Variants in PTPRG observed in about 807,000 individuals in gnomAD.
PTPRG encodes protein tyrosine phosphatase receptor type G, also known as receptor-type tyrosine-protein phosphatase gamma.
PTPRG carries 102 observed loss-of-function variants against 165.3 expected under a neutral mutation model. That is an observed-to-expected ratio of 0.62 (90% CI 0.53 to 0.73). PTPRG has a LOEUF of 0.73. PTPRG is among the 30% of genes least tolerant of loss of function. PTPRG has a pLI of 0.00. For missense variants in PTPRG, 1,866 were observed against 1,861.4 expected (o/e 1.00, Z -0.05); for synonymous variants, 675 against 669.5 (o/e 1.01, Z -0.13).
At chr3:62,068,945 AT>A (rs1701111807) in intron 4 of PTPRG, among the ~76,000 whole-genome samples, 1 of 152,202 alleles carries the variant, frequency 6.6e-6, no homozygotes, top group Non-Finnish European at 1.5e-5. Context: ...GTTTATTTAA[AT>A]GCCACCTTGC....
rs764043310 is a variant in PTPRG at position 62,268,908 on chromosome 3, G to A, written c.2875-127G>A. ...CCTGCCTTTAAGCAGTTAAACTCACGTATTCCTTTTTCAGTCAACTAAATG... is the reference window on the plus strand; with the variant it reads ...CCTGCCTTTAAGCAGTTAAACTCACATATTCCTTTTTCAGTCAACTAAATG... On this transcript the variant is annotated intron_variant, in intron 19 of 29. Transcript: ENST00000474889. 4.0e-5 allele frequency: 42 copies of A among 1,057,394 alleles called. No homozygotes were observed. The Admixed American group carries it at 5.0e-4, about 13-fold the overall frequency. The allele number at this position is 1,057,394 out of a possible 1,614,324, so 65.5% of individuals were successfully genotyped here.
Position 61,729,065 on chromosome 3 carries a change from AAAACAAAC to A in PTPRG, c.86-19797_86-19790del, listed in dbSNP as rs33984870. Among the ~76,000 whole-genome samples, 233 of 151,656 alleles carry A rather than the reference AAAACAAAC, an allele frequency of 1.5e-3. 1 individual carries two copies. Among genetic ancestry groups the A allele is most frequent in the Non-Finnish European group, 3.2e-3 (214 of 67,926 alleles). On this transcript the variant is annotated intron_variant, in intron 1 of 29. Transcript: ENST00000474889. ...CGGCAGAGAGAGACCCTGTCTCAAA[AAAACAAAC>A]AAACAAACAAACAAAAAGGACCAGG...
chr3:61,785,723 G>C (rs1360336678), intron 2 of PTPRG, among the ~76,000 whole-genome samples: 1 of 152,138 alleles, frequency 6.6e-6, no homozygotes, highest in Non-Finnish European at 1.5e-5. Flanking sequence ...TAGAAATACA[G>C]TATAAAATCT....
rs1258297289 is a variant in PTPRG at position 61,600,192 on chromosome 3, ATG to A, written c.85+37844_85+37845del. On this transcript the variant is annotated intron_variant, in intron 1 of 29. Coordinates refer to ENST00000474889, the MANE Select transcript of PTPRG (RefSeq NM_002841.4). ...AAAAAAAATATATATATATATATAT[ATG>A]TGTGTGTGTGTGTGTGTGTGTGTAA... Among the ~76,000 whole-genome samples, 631 of 106,602 alleles carry A rather than the reference ATG, an allele frequency of 5.9e-3. 3 individuals are homozygous for A. Among genetic ancestry groups the A allele is most frequent in the African/African-American group, 0.019 (569 of 30,200 alleles). 69.9% of individuals were successfully genotyped at this position (106,602 alleles called of 152,430 possible). A position where few individuals can be genotyped will look rare whatever the true frequency, so the allele number is the denominator to read the frequency against.
At chr3:61,942,255 A>T (rs2039650180) in intron 2 of PTPRG, among the ~76,000 whole-genome samples, 1 of 151,960 alleles carries the variant, frequency 6.6e-6, no homozygotes, top group Non-Finnish European at 1.5e-5. Context: ...GTGCTCTCCC[A>T]GGAGCCATGG....
chr3:61,991,350 C>A (rs533739502), intron 3 of PTPRG, among the ~76,000 whole-genome samples: 1 of 152,332 alleles, frequency 6.6e-6, no homozygotes, highest in African/African-American at 2.4e-5. Flanking sequence ...GGATTACAGG[C>A]ATGTGCCACA....
chr3:61,897,906 T>C (rs1289886151), intron 2 of PTPRG, among the ~76,000 whole-genome samples: 3 of 152,222 alleles, frequency 2.0e-5, no homozygotes, highest in Admixed American at 6.5e-5. Flanking sequence ...TCTTTTATTC[T>C]GTAACCTTAC....
At chr3:61,622,508 T>C (rs1038109791) in intron 1 of PTPRG, among the ~76,000 whole-genome samples, 5 of 152,176 alleles carry the variant, frequency 3.3e-5, no homozygotes, top group Non-Finnish European at 7.4e-5. Flanking sequence ...CCATTTTGAT[T>C]TGAAAGATTA....
rs546092814 is a variant in PTPRG, at chr3:62,107,691, A to G, written c.616-24911A>G. On this transcript the variant is annotated intron_variant, in intron 5 of 29. Coordinates refer to ENST00000474889, the MANE Select transcript of PTPRG (RefSeq NM_002841.4). Reference sequence around the variant, plus strand: ...CTGAATACTGATATTCTCTTCTCAAACTGGAAAACTAACCAGAGTCACGGT... The same window carrying G: ...CTGAATACTGATATTCTCTTCTCAAGCTGGAAAACTAACCAGAGTCACGGT... Among the ~76,000 whole-genome samples, 3 of 152,344 alleles carry G rather than the reference A, an allele frequency of 2.0e-5. No homozygotes were observed. The East Asian group carries it at 5.8e-4, about 29-fold the overall frequency.
intron 2 of PTPRG, among the ~76,000 whole-genome samples, chr3:61,764,197 G>T (rs1394784683): frequency 6.6e-6 from 1 of 152,162 alleles, no homozygotes; most frequent in African/African-American, 2.4e-5. Flanking sequence ...GTTCCTTTTG[G>T]AGGTCTTGAG....
intron 3 of PTPRG, among the ~76,000 whole-genome samples, chr3:61,990,835 C>A (rs2040868266): frequency 6.6e-6 from 1 of 151,434 alleles, no homozygotes; most frequent in Non-Finnish European, 1.5e-5. Flanking sequence ...AGCCCTCATG[C>A]TGGGCTAAAA....
At chr3:61,772,042 A>G (rs921524448) in intron 2 of PTPRG, among the ~76,000 whole-genome samples, 3 of 144,778 alleles carry the variant, frequency 2.1e-5, no homozygotes, top group Non-Finnish European at 4.5e-5. Context: ...CCTGGGTGAC[A>G]GAGTAAGACT....
intron 1 of PTPRG, among the ~76,000 whole-genome samples, chr3:61,742,268 TTTATTC>T (rs1453996427): frequency 6.6e-6 from 1 of 152,146 alleles, no homozygotes; most frequent in East Asian, 1.9e-4. Flanking sequence ...AATAAAAACA[TTTATTC>T]TTATAAACTA....
intron 6 of PTPRG, among the ~76,000 whole-genome samples, chr3:62,140,466 A>T (rs1441240481): frequency 6.6e-6 from 1 of 152,178 alleles, no homozygotes; most frequent in Non-Finnish European, 1.5e-5. Context: ...CAAAAGCAAA[A>T]CAGTGGGTAA....
chr3:61,643,323 C>T (rs1021183301), intron 1 of PTPRG, among the ~76,000 whole-genome samples: 1 of 151,848 alleles, frequency 6.6e-6, no homozygotes, highest in Non-Finnish European at 1.5e-5. Context: ...GACAGACATA[C>T]CAACTGATCT....
chr3:61,734,011 A>AGC (rs1454272586), intron 1 of PTPRG, among the ~76,000 whole-genome samples: 1 of 152,084 alleles, frequency 6.6e-6, no homozygotes, highest in Non-Finnish European at 1.5e-5. Context: ...TCCCAAGCTG[A>AGC]GCTCAAGTGA....
chr3:62,149,939 C>T (rs1407700496), intron 6 of PTPRG, among the ~76,000 whole-genome samples: 1 of 152,190 alleles, frequency 6.6e-6, no homozygotes, highest in Non-Finnish European at 1.5e-5. Context: ...TCACTCCAAC[C>T]ATTTCTCTTT....
intron 2 of PTPRG, among the ~76,000 whole-genome samples, chr3:61,986,702 C>T (rs924228117): frequency 5.5e-4 from 83 of 152,202 alleles, no homozygotes; most frequent in Middle Eastern, 3.4e-3. Flanking sequence ...ACTAGATTGA[C>T]GTGTTGGAGT....
intron 2 of PTPRG, among the ~76,000 whole-genome samples, chr3:61,965,226 A>G (rs1463902059): frequency 6.8e-6 from 1 of 146,660 alleles, no homozygotes; most frequent in Non-Finnish European, 1.5e-5. Flanking sequence ...CTTGGGCAAC[A>G]AGAGCGAAAC....
Sources: gnomAD v4.1 joint callset for allele counts (sites outside exome capture counted in the v4.1 genomes callset) on GRCh38, gnomAD v4.1.1 for gene constraint, MANE v1.5 for transcripts, NCBI Gene and HGNC (gene_info 2026-07-23, HGNC 2026-07-21) for gene names.